RAB31: variants seen among roughly 807,000 people sequenced by gnomAD.
RAB31 encodes RAB31, member RAS oncogene family.
RAB31 carries 21 observed loss-of-function variants against 25.6 expected under a neutral mutation model. That is an observed-to-expected ratio of 0.82 (90% CI 0.58 to 1.18). RAB31 has a LOEUF of 1.18. Ranked by LOEUF, RAB31 falls within the 50% of genes most tolerant of loss-of-function variation. The pLI is 0.00. For synonymous variants in RAB31, 87 were observed against 84.0 expected, an observed-to-expected ratio of 1.04 and a Z score of -0.20; for missense variants, 196 against 250.1, an observed-to-expected ratio of 0.78 and a Z score of 1.46.
chr18:9,836,983 C>G (rs545139096), intron 5 of RAB31, among the ~76,000 whole-genome samples: 30 of 143,838 alleles, frequency 2.1e-4, no homozygotes, highest in Non-Finnish European at 3.4e-4. Context: ...GTGTGAGGAA[C>G]GGGGTGAAAC....
chr18:9,750,993 G>A (rs1312521865), intron 1 of RAB31, among the ~76,000 whole-genome samples: 2 of 152,082 alleles, frequency 1.3e-5, no homozygotes, highest in African/African-American at 4.8e-5. Context: ...ATCTTTCCTA[G>A]CACATGTATT....
intron 5 of RAB31, among the ~76,000 whole-genome samples, chr18:9,842,512 T>TG (rs1329167552): frequency 3.3e-5 from 5 of 152,114 alleles, no homozygotes; most frequent in African/African-American, 1.2e-4. Context: ...GCCACAGTAA[T>TG]GGGAGCATAT....
At chr18:9,763,571 C>T (rs2068299369) in intron 1 of RAB31, among the ~76,000 whole-genome samples, 1 of 146,900 alleles carries the variant, frequency 6.8e-6, no homozygotes, top group Non-Finnish European at 1.5e-5. Context: ...TTCAGAGAAA[C>T]TCAGAGAGAT....
chr18:9,825,298 G>A (rs1012296677), intron 5 of RAB31, among the ~76,000 whole-genome samples: 7 of 152,166 alleles, frequency 4.6e-5, no homozygotes, highest in Non-Finnish European at 1.0e-4. Context: ...TGCTATTCTA[G>A]GACAGCAGAT....
chr18:9,740,709 T>C (rs1307570625), intron 1 of RAB31, among the ~76,000 whole-genome samples: 3 of 151,512 alleles, frequency 2.0e-5, no homozygotes, highest in Admixed American at 1.3e-4. Context: ...TAAGACTCTG[T>C]CTCAAAAAAA....
chr18:9,804,193 C>A (rs919895395), intron 3 of RAB31, among the ~76,000 whole-genome samples: 1 of 152,218 alleles, frequency 6.6e-6, no homozygotes, highest in Non-Finnish European at 1.5e-5. Flanking sequence ...TCACTGGAGA[C>A]CCTGCTGTTG....
chr18:9,835,579 A>G (rs926437033), intron 5 of RAB31, among the ~76,000 whole-genome samples: 2 of 152,222 alleles, frequency 1.3e-5, no homozygotes, highest in East Asian at 1.9e-4. Flanking sequence ...GCAGTTAAGG[A>G]CATGTGTTAT....
chr18:9,812,424 A>AT (rs1430971884), intron 3 of RAB31, among the ~76,000 whole-genome samples: 3 of 152,154 alleles, frequency 2.0e-5, no homozygotes, highest in Non-Finnish European at 4.4e-5. Context: ...TTGAAAGAAG[A>AT]TATTCAGCAC....
intron 2 of RAB31, among the ~76,000 whole-genome samples, chr18:9,782,059 T>C (rs2068407474): frequency 6.6e-6 from 1 of 152,220 alleles, no homozygotes; most frequent in Non-Finnish European, 1.5e-5. Context: ...CCCATTCCCA[T>C]GTGGTGGGAG....
intron 6 of RAB31, among the ~76,000 whole-genome samples, chr18:9,857,093 C>T (rs1198939627): frequency 6.6e-6 from 1 of 151,922 alleles, no homozygotes; most frequent in Non-Finnish European, 1.5e-5. Flanking sequence ...TGCAAAAGCT[C>T]TGTAGATCTC....
At chr18:9,800,085 G>A (rs72959311) in intron 3 of RAB31, among the ~76,000 whole-genome samples, 2,197 of 152,314 alleles carry the variant, frequency 0.014, 41 homozygotes, top group South Asian at 0.057. Flanking sequence ...GTCCATAGCC[G>A]ACAGAAGGTA....
chr18:9,835,586 T>C (rs1344829200), intron 5 of RAB31, among the ~76,000 whole-genome samples: 1 of 152,178 alleles, frequency 6.6e-6, no homozygotes, highest in East Asian at 1.9e-4. Context: ...AGGACATGTG[T>C]TATTAAGTAG....
intron 1 of RAB31, among the ~76,000 whole-genome samples, chr18:9,771,036 C>T (rs1326929232): frequency 2.0e-5 from 3 of 151,928 alleles, no homozygotes; most frequent in Non-Finnish European, 4.4e-5. Flanking sequence ...CAGGGTGTGG[C>T]GGTGCACACC....
At chr18:9,808,392 C>T (rs1401675295) in intron 3 of RAB31, among the ~76,000 whole-genome samples, 2 of 152,106 alleles carry the variant, frequency 1.3e-5, no homozygotes, top group Admixed American at 6.5e-5. Flanking sequence ...TCTCCCAGTC[C>T]CGTTTCATTC....
chr18:9,795,269 A>G (rs914411547), intron 3 of RAB31, among the ~76,000 whole-genome samples: 1 of 152,222 alleles, frequency 6.6e-6, no homozygotes, highest in Non-Finnish European at 1.5e-5. Context: ...TAAATCTAAG[A>G]CCTGAAGCCA....
At chr18:9,826,336 A>G (rs112420520) in intron 5 of RAB31, among the ~76,000 whole-genome samples, 2 of 152,322 alleles carry the variant, frequency 1.3e-5, no homozygotes, top group Non-Finnish European at 2.9e-5. Flanking sequence ...AGATCGCACC[A>G]CTGCATTCCA....
chr18:9,728,683 G>A (rs2068106951), intron 1 of RAB31, among the ~76,000 whole-genome samples: 1 of 152,008 alleles, frequency 6.6e-6, no homozygotes, highest in South Asian at 2.1e-4. Context: ...GATTACAGGT[G>A]TTTGCCACCA....
chr18:9,744,623 A>G (rs2068196473), intron 1 of RAB31, among the ~76,000 whole-genome samples: 1 of 152,202 alleles, frequency 6.6e-6, no homozygotes, highest in Non-Finnish European at 1.5e-5. Context: ...ATGGGCCCTA[A>G]CAAGAGGAAC....
chr18:9,826,648 CA>C, intron 5 of RAB31, among the ~76,000 whole-genome samples: 1 of 152,204 alleles, frequency 6.6e-6, no homozygotes. Context: ...CAACCCTAAA[CA>C]AATTCTTCCT....
Sources: allele counts gnomAD v4.1 joint callset (sites outside exome capture counted in the v4.1 genomes callset), GRCh38; gene constraint gnomAD v4.1.1; transcripts MANE v1.5; gene names NCBI Gene and HGNC (gene_info 2026-07-23, HGNC 2026-07-21).